PTPRM: variants seen among roughly 807,000 people sequenced by gnomAD.
PTPRM encodes receptor-type tyrosine-protein phosphatase mu.
In PTPRM, 47 loss-of-function variants were observed where a neutral mutation model predicts 186.7. The observed-to-expected ratio is 0.25, with a 90% CI of 0.20 to 0.32. The LOEUF is 0.32. Among genes scored for constraint, PTPRM ranks in the 10% least tolerant of loss-of-function variants. The pLI is 1.00. For missense variants in PTPRM, 1,494 were observed against 1,865.0 expected (o/e 0.80, Z 3.66); for synonymous variants, 668 against 674.9 (o/e 0.99, Z 0.16).
chr18:7,859,549 A>G (rs2047253029), intron 2 of PTPRM, among the ~76,000 whole-genome samples: 1 of 151,812 alleles, frequency 6.6e-6, no homozygotes. Flanking sequence ...TCCTATTCTG[A>G]CCCCCAGGCA....
At chr18:7,905,258 G>C (rs2049919888) in intron 3 of PTPRM, among the ~76,000 whole-genome samples, 1 of 152,154 alleles carries the variant, frequency 6.6e-6, no homozygotes, top group African/African-American at 2.4e-5. Context: ...CTCCCAAAGT[G>C]CTGGGTTTAT....
chr18:8,245,034 G>A (rs2094464802), intron 15 of PTPRM, among the ~76,000 whole-genome samples: 1 of 152,188 alleles, frequency 6.6e-6, no homozygotes, highest in Admixed American at 6.5e-5. Context: ...AATAATCGTA[G>A]TATTTTAAAG....
chr18:7,651,239 C>T (rs2038695482), intron 1 of PTPRM, among the ~76,000 whole-genome samples: 1 of 152,046 alleles, frequency 6.6e-6, no homozygotes, highest in Non-Finnish European at 1.5e-5. Flanking sequence ...AGAGGAAGCC[C>T]ATGTGACCAG....
At position 8,106,188 on chromosome 18, in the gene PTPRM, A is replaced by G. The variant is rs375963583; in HGVS notation, c.1857-7298A>G. Among the ~76,000 whole-genome samples the G allele has an allele frequency of 7.9e-5, 12 of 152,242 alleles. No homozygotes were observed. In the South Asian group the frequency reaches 2.5e-3, roughly 32 times the overall value. ...GGCCACTCTGGGGACTCCTGGGGGC[A>G]TACCTGCTGGGACCTGGGCAGTATG... On this transcript the variant is annotated intron_variant, in intron 11 of 32. Coordinates refer to ENST00000580170, the MANE Select transcript of PTPRM (RefSeq NM_001105244.2).
At chr18:7,818,503 T>C (rs2044981153) in intron 2 of PTPRM, among the ~76,000 whole-genome samples, 1 of 152,224 alleles carries the variant, frequency 6.6e-6, no homozygotes, top group Non-Finnish European at 1.5e-5. Context: ...TCTGAGGTTG[T>C]ATTCATCTAT....
chr18:7,657,711 C>T (rs559322337), intron 1 of PTPRM, among the ~76,000 whole-genome samples: 2 of 152,308 alleles, frequency 1.3e-5, no homozygotes, highest in East Asian at 3.9e-4. Context: ...CCGAAATTTT[C>T]ATGAAGCATG....
intron 3 of PTPRM, among the ~76,000 whole-genome samples, chr18:7,905,002 TA>T (rs2049902350): frequency 6.6e-6 from 1 of 152,154 alleles, no homozygotes; most frequent in Admixed American, 6.5e-5. Flanking sequence ...TATTTTTTTT[TA>T]TTTTGTTGAG....
At chr18:8,179,467 T>C (rs1007765244) in intron 14 of PTPRM, among the ~76,000 whole-genome samples, 3 of 152,096 alleles carry the variant, frequency 2.0e-5, no homozygotes, top group East Asian at 3.9e-4. Flanking sequence ...CTCTTTTTTT[T>C]TTTTCTTTTC....
At chr18:8,073,339 T>C (rs1291121148) in intron 8 of PTPRM, among the ~76,000 whole-genome samples, 1 of 152,252 alleles carries the variant, frequency 6.6e-6, no homozygotes, top group Non-Finnish European at 1.5e-5. Flanking sequence ...CTTGATGGTG[T>C]GAGAAAACTG....
chr18:8,247,921 TA>T lies in PTPRM; in HGVS notation c.2527+4del. The T allele has an allele frequency of 1.3e-6, 2 of 1,578,412 alleles. No individual in the cohort carries two copies. The highest frequency in any genetic ancestry group is 1.7e-6 in the Non-Finnish European group (2 of 1,147,446). ...CGGTGCCTAATTCCTATTACCCAGG[TA>T]ACAGTTTTTTCCATTGTCTCCTCTC... On this transcript the variant is annotated splice_donor_region_variant and intron_variant, in intron 16 of 32. Transcript: ENST00000580170.
intron 19 of PTPRM, among the ~76,000 whole-genome samples, chr18:8,290,385 G>T (rs1360239867): frequency 6.6e-6 from 1 of 152,042 alleles, no homozygotes; most frequent in Non-Finnish European, 1.5e-5. Context: ...CAGCTTTTCT[G>T]TTGAATAGGA....
intron 2 of PTPRM, among the ~76,000 whole-genome samples, chr18:7,839,145 A>G (rs1423310453): frequency 6.6e-6 from 1 of 152,216 alleles, no homozygotes; most frequent in Non-Finnish European, 1.5e-5. Context: ...TCCTGGAACC[A>G]GGGACCCCCA....
intron 7 of PTPRM, among the ~76,000 whole-genome samples, chr18:8,045,302 C>T (rs1019807091): frequency 2.0e-5 from 3 of 152,010 alleles, no homozygotes; most frequent in African/African-American, 4.8e-5. Flanking sequence ...CAGCTGTGAT[C>T]GCACCACTGT....
chr18:7,948,185 G>A (rs1023939909), intron 5 of PTPRM, among the ~76,000 whole-genome samples: 2 of 141,952 alleles, frequency 1.4e-5, no homozygotes, highest in African/African-American at 5.2e-5. Flanking sequence ...ACAGGTTTCC[G>A]CTTTCAGGGC....
intron 4 of PTPRM, among the ~76,000 whole-genome samples, chr18:7,918,890 A>G (rs1292507864): frequency 1.3e-5 from 2 of 152,084 alleles, no homozygotes; most frequent in Non-Finnish European, 2.9e-5. Flanking sequence ...GGAATGTTTC[A>G]CCAGTGTTTT....
At chr18:7,812,099 C>G (rs1401268272) in intron 2 of PTPRM, among the ~76,000 whole-genome samples, 1 of 151,462 alleles carries the variant, frequency 6.6e-6, no homozygotes, top group Admixed American at 6.5e-5. Context: ...AACACATTTT[C>G]AATTTGATGC....
At chr18:7,900,950 C>T (rs528620077) in intron 3 of PTPRM, among the ~76,000 whole-genome samples, 17 of 152,174 alleles carry the variant, frequency 1.1e-4, no homozygotes, top group South Asian at 1.0e-3. Context: ...TATTTTGTTC[C>T]GTTTCATAAA....
chr18:8,184,935 C>T (rs1326174175), intron 14 of PTPRM, among the ~76,000 whole-genome samples: 7 of 152,122 alleles, frequency 4.6e-5, no homozygotes, highest in Admixed American at 6.5e-5. Context: ...GGTCTTGCCA[C>T]GGGCCTTGAA....
chr18:8,383,269 A>T (rs561768400), intron 29 of PTPRM, among the ~76,000 whole-genome samples: 2 of 125,726 alleles, frequency 1.6e-5, no homozygotes, highest in East Asian at 5.4e-4. Context: ...CTGCACTCCA[A>T]CCTGGCGACA....
Sources: allele counts gnomAD v4.1 joint callset (sites outside exome capture counted in the v4.1 genomes callset), GRCh38; gene constraint gnomAD v4.1.1; transcripts MANE v1.5; gene names NCBI Gene and HGNC (gene_info 2026-07-23, HGNC 2026-07-21).